The following MYO1C variants were observed in gnomAD, a reference collection of about 807,000 sequenced individuals.
The protein encoded by MYO1C is unconventional myosin-Ic.
In MYO1C, 104 loss-of-function variants were observed where a neutral mutation model predicts 150.8. That is an observed-to-expected ratio of 0.69 (90% confidence interval 0.59 to 0.81). MYO1C has a LOEUF of 0.81. Ranked by LOEUF, MYO1C falls within the 30% of genes least tolerant of loss-of-function variation. The pLI is 0.00. For synonymous variants in MYO1C, 663 were observed against 579.9 expected, an observed-to-expected ratio of 1.14 and a Z score of -2.06; for missense variants, 1,504 against 1,435.0, an observed-to-expected ratio of 1.05 and a Z score of -0.78.
intron 1 of MYO1C, chr17:1,485,656 C>A: frequency 8.3e-7 from 1 of 1,206,616 alleles, no homozygotes; most frequent in South Asian, 3.2e-5. Flanking sequence ...GAGGGACGCC[C>A]GGGACCCCCC....
intron 3 of MYO1C, 26 bp downstream of exon 3, chr17:1,483,584 C>T (rs1253325706): frequency 2.6e-6 from 4 of 1,561,712 alleles, no homozygotes; most frequent in Admixed American, 3.6e-5. Context: ...AGAGGGGTCG[C>T]TCCCGGAGGG....
chr17:1,480,933 G>C (rs1274115792), intron 5 of MYO1C, 48 bp from the exon 6 acceptor site: 2 of 1,598,128 alleles, frequency 1.3e-6, no homozygotes, highest in East Asian at 2.2e-5. Context: ...ACTGGGAAAA[G>C]AGCCCACCTG....
rs2074281844 is a variant in MYO1C at position 1,470,612 on chromosome 17, C to A, written c.2281+9G>T. On this transcript the variant is annotated intron_variant, in intron 22 of 31. Coordinates refer to ENST00000648651, the MANE Select transcript of MYO1C (RefSeq NM_001080779.2). Reference sequence around the variant, plus strand: ...CCCGCCCCTCCTGAACACCCATGGGCCCGCGAACCTGATCTCTTCACCCGG... The same window carrying A: ...CCCGCCCCTCCTGAACACCCATGGGACCGCGAACCTGATCTCTTCACCCGG... 1.9e-6 allele frequency: 3 copies of A among 1,606,808 alleles called. No individual in the cohort carries two copies. The highest frequency in any genetic ancestry group is 2.6e-6 in the Non-Finnish European group (3 of 1,176,174).
intron 1 of MYO1C, chr17:1,484,631 G>A: frequency 1.9e-6 from 1 of 513,454 alleles, no homozygotes; most frequent in Non-Finnish European, 3.5e-6. Context: ...CAGAACCCGG[G>A]AGGTGCTGGT....
chr17:1,480,958 T>C, intron 5 of MYO1C, 73 bp from the exon 6 acceptor site: 1 of 1,544,316 alleles, frequency 6.5e-7, no homozygotes, highest in South Asian at 1.1e-5. Flanking sequence ...TCTTCTCCCC[T>C]GCACTCCTGG....
At chr17:1,476,863 A>C (rs895062786) in intron 14 of MYO1C, among the ~76,000 whole-genome samples, 1 of 151,140 alleles carries the variant, frequency 6.6e-6, no homozygotes, top group African/African-American at 2.4e-5. Context: ...TTTGGGGTTG[A>C]AGTCTCACTC....
At position 1,465,311 on chromosome 17, in the gene MYO1C, A is replaced by AC. The variant is rs1422059388; in HGVS notation, c.*414dup. On this transcript the variant is annotated 3_prime_UTR_variant, in exon 32 of 32. Transcript: ENST00000648651. ...AGGGCACCAGAGCCCAGCCCACACAACCTCTCGGCTACATTCCTTGCCCTG... is the reference window on the plus strand; with the variant it reads ...AGGGCACCAGAGCCCAGCCCACACAACCCTCTCGGCTACATTCCTTGCCCTG... The AC allele has an allele frequency of 6.4e-6, 1 of 157,016 alleles. No individual in the cohort carries two copies. The highest frequency in any genetic ancestry group is 1.4e-5 in the Non-Finnish European group (1 of 71,296). 9.7% of individuals were successfully genotyped at this position (157,016 alleles called of 1,614,324 possible). A position where few individuals can be genotyped will look rare whatever the true frequency, so the allele number is the denominator to read the frequency against.
chr17:1,480,778 C>T lies in MYO1C; in HGVS notation c.735G>A (p.Glu245=). 6.2e-7 allele frequency: 1 copy of T among 1,614,188 alleles called. No homozygotes were observed. Among genetic ancestry groups the T allele is most frequent in the Non-Finnish European group, 8.5e-7 (1 of 1,180,028 alleles). ...TGCGAAGAGTCTCCTCCTCGCCCCC[C>T]TCCAGCAGCTGGTAGAAGATGTGGA... ...RNFHIFYQLL[E]GGEEETLRRL... The change falls in exon 6 of 32, where the codon GAG becomes GAA. Residue 245 remains glutamate, a synonymous_variant. Transcript: ENST00000648651.
chr17:1,477,225 C>G, intron 14 of MYO1C: 2 of 354,670 alleles, frequency 5.6e-6, no homozygotes, highest in Non-Finnish European at 1.0e-5. Flanking sequence ...GTCACCCAGG[C>G]TGGAGTGCAG....
chr17:1,476,839 T>C (rs1412549469), intron 14 of MYO1C, among the ~76,000 whole-genome samples: 1 of 151,610 alleles, frequency 6.6e-6, no homozygotes, highest in East Asian at 1.9e-4. Context: ...AGTGTCTTGT[T>C]TTTTGTTTTT....
At chr17:1,465,797 G>A (rs1352404269) in intron 31 of MYO1C, 45 bp from the exon 32 acceptor site, 6 of 1,298,142 alleles carry the variant, frequency 4.6e-6, no homozygotes, top group East Asian at 5.6e-5. Context: ...GGGAGCAGAC[G>A]GGGGCCCCGG....
At chr17:1,466,375 G>A (rs1485469769) in intron 31 of MYO1C, among the ~76,000 whole-genome samples, 2 of 151,906 alleles carry the variant, frequency 1.3e-5, no homozygotes, top group Admixed American at 1.3e-4. Context: ...TTGTTGCCCA[G>A]GGTAGAGTGT....
rs761331678 is a variant in MYO1C at position 1,477,629 on chromosome 17, G to C, written c.1483-33C>G. 2.1e-5 allele frequency: 32 copies of C among 1,535,046 alleles called. No individual in the cohort carries two copies. The Admixed American group carries it at 3.7e-4, about 18-fold the overall frequency. Reference sequence around the variant, plus strand: ...GTGTGGCACAGGGGGAAGGACGTATGGGGGACAGGTCAGAGCGCACAGAGG... The same window carrying C: ...GTGTGGCACAGGGGGAAGGACGTATCGGGGACAGGTCAGAGCGCACAGAGG... On this transcript the variant is annotated intron_variant, in intron 13 of 31. Coordinates refer to ENST00000648651, the MANE Select transcript of MYO1C (RefSeq NM_001080779.2).
At chr17:1,477,091 A>T (rs1241219363) in intron 14 of MYO1C, among the ~76,000 whole-genome samples, 1 of 151,896 alleles carries the variant, frequency 6.6e-6, no homozygotes, top group Non-Finnish European at 1.5e-5. Context: ...CACCCGCCTC[A>T]GCCTCCCAAA....
At chr17:1,483,132 T>G in intron 3 of MYO1C, 73 bp from the exon 4 acceptor site, 1 of 1,438,214 alleles carries the variant, frequency 7.0e-7, no homozygotes, top group South Asian at 1.3e-5. Flanking sequence ...CGCTCCCACA[T>G]CTGGGTGGAG....
rs1247098345 is a variant in MYO1C, at chr17:1,468,464, G to A, written c.2643C>T (p.Phe881=). The change falls in exon 26 of 32, where the codon TTC becomes TTT. Residue 881 remains phenylalanine, a synonymous_variant. Transcript: ENST00000648651. ...LQQKAVASEI[F]KGKKDNYPQS... ...GAGGGTAATTATCCTTCTTGCCCTT[G>A]AAGATCTCACTAGCCACGGCCTTCT... 7 of 1,614,024 alleles carry A rather than the reference G, an allele frequency of 4.3e-6. No homozygotes were observed. Among genetic ancestry groups the A allele is most frequent in the Admixed American group, 1.7e-5 (1 of 60,000 alleles).
chr17:1,468,037 G>C lies in MYO1C; in HGVS notation c.2847C>G (p.Ile949Met). Reference sequence around the variant, plus strand: ...TCTGCTTGACTTTGGCGTCCTCCACGATGACGACGGCGTTGGGCGTGAGCA... The same window carrying C: ...TCTGCTTGACTTTGGCGTCCTCCACCATGACGACGGCGTTGGGCGTGAGCA... The part of the protein sequence containing the change: ...QLLLTPNAVV[I>M]VEDAKVKQRI... Residue 949 changes from isoleucine (I) to methionine (M), a missense_variant, in exon 28 of 32, where the codon ATC (isoleucine) becomes ATG (methionine). Physicochemically the swap from Ile to Met is conservative, Grantham distance 10. Transcript: ENST00000648651. 1.2e-6 allele frequency: 2 copies of C among 1,613,084 alleles called. No homozygotes were observed. The highest frequency in any genetic ancestry group is 1.7e-6 in the Non-Finnish European group (2 of 1,179,888).
At chr17:1,491,525 G>A (rs149105278) in intron 1 of MYO1C, 81,931 of 668,012 alleles carry the variant, frequency 0.12, 5,376 homozygotes, top group Middle Eastern at 0.15. Context: ...CCTCGTGCAC[G>A]GCGGCTCCCG....
chr17:1,472,666 C>T (rs117924229), intron 17 of MYO1C, among the ~76,000 whole-genome samples: 5,507 of 152,294 alleles, frequency 0.036, 163 homozygotes, highest in Non-Finnish European at 0.057. Context: ...CTCACAATCC[C>T]GGTGTTCCGA....
Sources: allele counts gnomAD v4.1 joint callset (sites outside exome capture counted in the v4.1 genomes callset), GRCh38; gene constraint gnomAD v4.1.1; transcripts MANE v1.5; gene names NCBI Gene and HGNC (gene_info 2026-07-23, HGNC 2026-07-21).